LAMTOR2: variants seen among roughly 807,000 people sequenced by gnomAD.
LAMTOR2 encodes late endosomal/lysosomal adaptor, MAPK and MTOR activator 2, also known as ragulator complex protein LAMTOR2.
A neutral mutation model predicts 15.8 loss-of-function variants in LAMTOR2; 4 were observed. The ratio of observed to expected loss-of-function variants is 0.25; its 90% CI spans 0.12 to 0.58. The LOEUF (loss-of-function observed/expected upper bound fraction) is 0.58, where lower values mean the gene tolerates loss of function less well. Among genes scored for constraint, LAMTOR2 ranks in the 20% least tolerant of loss-of-function variants. The probability of loss-of-function intolerance (pLI) is 0.91; values close to 1 mark genes in which losing one functional copy is unlikely to be tolerated. For missense variants in LAMTOR2, 100 were observed against 161.0 expected (o/e 0.62, Z 2.05); for synonymous variants, 62 against 64.1 (o/e 0.97, Z 0.15).
In LAMTOR2 at chr1:156,054,831, GC is replaced by G. The variant is rs1553257148; in HGVS notation, c.-56del. 1 of 1,562,898 alleles carries G rather than the reference GC, an allele frequency of 6.4e-7. No homozygotes were observed. Among genetic ancestry groups the G allele is most frequent in the Non-Finnish European group, 8.8e-7 (1 of 1,139,176 alleles). On this transcript the variant is annotated 5_prime_UTR_variant, in exon 1 of 4. Transcript: ENST00000368305. Reference sequence around the variant, plus strand: ...GGACTACGGGAAGCAGCGGGCAGCGGCCCGCGGGAGGCACCTCGGAGATCTG... The same window carrying G: ...GGACTACGGGAAGCAGCGGGCAGCGGCCGCGGGAGGCACCTCGGAGATCTG...
At position 156,055,194 on chromosome 1, in the gene LAMTOR2, T is replaced by A; in HGVS notation, c.69-69T>A. ...TGCTGGATGTGCCCTTGGTGGGACT[T>A]GGGATGGAAACCCAGACGTTTTACT... On this transcript the variant is annotated intron_variant, in intron 1 of 3. Transcript: ENST00000368305. The surrounding 1 kb of genome is among the most constrained non-coding windows in gnomAD (Gnocchi z 4.8). The A allele has an allele frequency of 1.9e-6, 3 of 1,598,102 alleles. No individual in the cohort carries two copies. Among genetic ancestry groups the A allele is most frequent in the Non-Finnish European group, 2.6e-6 (3 of 1,170,830 alleles).
In LAMTOR2 at chr1:156,054,877, A is replaced by T. The variant is rs965777031; in HGVS notation, c.-13A>T. ...GATCTGGGTGCAAAAGCCCAGGGTT[A>T]GGAACCGTAGGCATGCTGCGCCCCA... On this transcript the variant is annotated 5_prime_UTR_variant, in exon 1 of 4. Coordinates refer to ENST00000368305, the MANE Select transcript of LAMTOR2 (RefSeq NM_014017.4). 1.9e-6 allele frequency: 3 copies of T among 1,612,338 alleles called. No individual in the cohort carries two copies. The Admixed American group carries it at 5.0e-5, about 27-fold the overall frequency.
intron 3 of LAMTOR2, 91 bp downstream of exon 3, chr1:156,058,158 T>C: frequency 1.3e-6 from 2 of 1,505,438 alleles, no homozygotes; most frequent in Non-Finnish European, 1.8e-6. Context: ...TTTCTAGAGT[T>C]CTCATGTCTA....
Position 156,055,003 on chromosome 1 carries a change from G to T in LAMTOR2, c.68+46G>T. On this transcript the variant is annotated intron_variant, in intron 1 of 3. Transcript: ENST00000368305. This position sits in a 1 kb window ranked among gnomAD's most constrained non-coding sequence, Gnocchi z 4.8. ...CGAGCGGCGAGCGCTGCAGTGGGGC[G>T]GCGCGCGGCTCCCTGAGGGAGGGGT... The T allele has an allele frequency of 6.3e-7, 1 of 1,578,728 alleles. No individual in the cohort carries two copies. Among genetic ancestry groups the T allele is most frequent in the Non-Finnish European group, 8.7e-7 (1 of 1,154,720 alleles).
Position 156,055,735 on chromosome 1 carries a change from T to G in LAMTOR2, c.231+310T>G. 2.4e-6 allele frequency: 1 copy of G among 412,890 alleles called. No homozygotes were observed. Among genetic ancestry groups the G allele is most frequent in the Non-Finnish European group, 4.6e-6 (1 of 219,390 alleles). The allele number at this position is 412,890 out of a possible 1,614,324, so 25.6% of individuals were successfully genotyped here. On this transcript the variant is annotated intron_variant, in intron 2 of 3. Transcript: ENST00000368305. The surrounding 1 kb of genome is among the most constrained non-coding windows in gnomAD (Gnocchi z 4.8). ...CATGTTTAAGGAGAAGACAATAATT[T>G]CCCTCTCCCCGCTCCCCTCATGGGT...
In LAMTOR2 at chr1:156,055,018, G is replaced by A; in HGVS notation, c.68+61G>A. On this transcript the variant is annotated intron_variant, in intron 1 of 3. Transcript: ENST00000368305. The surrounding 1 kb of genome is among the most constrained non-coding windows in gnomAD (Gnocchi z 4.8). ...GCAGTGGGGCGGCGCGCGGCTCCCT[G>A]AGGGAGGGGTGGGGAAGGATCACCA... 2 of 1,551,330 alleles carry A rather than the reference G, an allele frequency of 1.3e-6. No homozygotes were observed. The highest frequency in any genetic ancestry group is 1.8e-6 in the Non-Finnish European group (2 of 1,131,994).
chr1:156,057,858 T>G, intron 2 of LAMTOR2, 120 bp from the exon 3 acceptor site: 1 of 949,474 alleles, frequency 1.1e-6, no homozygotes, highest in Non-Finnish European at 1.7e-6. Flanking sequence ...CTGAACTTCC[T>G]GCTGTGCCCA....
chr1:156,055,559 C>A lies in LAMTOR2; in HGVS notation c.231+134C>A. The A allele has an allele frequency of 2.0e-6, 2 of 990,238 alleles. No homozygotes were observed. The highest frequency in any genetic ancestry group is 3.1e-6 in the Non-Finnish European group (2 of 642,542). 61.3% of individuals were successfully genotyped at this position (990,238 alleles called of 1,614,324 possible). ...ATTACTAAGAGTTGGTCTGCAGCAG[C>A]ATTTGTAATAGGCAGGACCCTATTC... is the stretch of plus-strand genomic sequence containing the variant. On this transcript the variant is annotated intron_variant, in intron 2 of 3. Transcript: ENST00000368305. The surrounding 1 kb of genome is among the most constrained non-coding windows in gnomAD (Gnocchi z 4.8).
At chr1:156,054,994 C>CAGTG in intron 1 of LAMTOR2, 37 bp downstream of exon 1, 1 of 1,597,626 alleles carries the variant, frequency 6.3e-7, no homozygotes, top group South Asian at 1.1e-5. Flanking sequence ...GCGAGCGCTG[C>CAGTG]AGTGGGGCGG....
At chr1:156,056,501 G>C (rs1467775996) in intron 2 of LAMTOR2, among the ~76,000 whole-genome samples, 1 of 152,044 alleles carries the variant, frequency 6.6e-6, no homozygotes, top group East Asian at 1.9e-4. Flanking sequence ...GAATATTTTG[G>C]ACAGAACAGC....
rs1273430924 is a variant in LAMTOR2 at position 156,057,880 on chromosome 1, G to A, written c.232-98G>A. On this transcript the variant is annotated intron_variant, in intron 2 of 3. Coordinates refer to ENST00000368305, the MANE Select transcript of LAMTOR2 (RefSeq NM_014017.4). The stretch of plus-strand genomic sequence containing the variant: ...TCCTGCTGTGCCCAGGGCATGGGAG[G>A]AAGATATAGTCTCTCTGGGGCCAGA... 6 of 1,139,854 alleles carry A rather than the reference G, an allele frequency of 5.3e-6. No individual in the cohort carries two copies. In the East Asian group the frequency reaches 1.2e-4, roughly 22 times the overall value. The allele number at this position is 1,139,854 out of a possible 1,614,324, so 70.6% of individuals were successfully genotyped here. A position where few individuals can be genotyped will look rare whatever the true frequency, so the allele number is the denominator to read the frequency against.
chr1:156,055,462 A>C lies in LAMTOR2; in HGVS notation c.231+37A>C, dbSNP rs774409644. On this transcript the variant is annotated intron_variant, in intron 2 of 3. Coordinates refer to ENST00000368305, the MANE Select transcript of LAMTOR2 (RefSeq NM_014017.4). This position sits in a 1 kb window ranked among gnomAD's most constrained non-coding sequence, Gnocchi z 4.8. ...GGAGCCAGACTTCCCCTGTCCCCCA[A>C]AGGGGATCCCAAGGGGGCGACCTGG... is the stretch of plus-strand genomic sequence containing the variant. 10 of 1,612,230 alleles carry C rather than the reference A, an allele frequency of 6.2e-6. No individual in the cohort carries two copies. The highest frequency in any genetic ancestry group is 7.6e-6 in the Non-Finnish European group (9 of 1,178,476).
chr1:156,054,993 G>T, intron 1 of LAMTOR2, 36 bp downstream of exon 1: 2 of 1,598,364 alleles, frequency 1.3e-6, no homozygotes, highest in Non-Finnish European at 1.7e-6. Context: ...GGCGAGCGCT[G>T]CAGTGGGGCG....
rs553146606 is a variant in LAMTOR2 at position 156,055,809 on chromosome 1, G to A, written c.231+384G>A. The A allele has an allele frequency of 1.5e-4, 40 of 262,914 alleles. No individual in the cohort carries two copies. The highest frequency in any genetic ancestry group is 2.8e-4 in the Non-Finnish European group (37 of 131,894). 16.3% of individuals were successfully genotyped at this position (262,914 alleles called of 1,614,324 possible). A position where few individuals can be genotyped will look rare whatever the true frequency, so the allele number is the denominator to read the frequency against. On this transcript the variant is annotated intron_variant, in intron 2 of 3. Transcript: ENST00000368305. The surrounding 1 kb of genome is among the most constrained non-coding windows in gnomAD (Gnocchi z 4.8). ...ATGGGTATAAACAGTAGAATGACGT[G>A]CAAACACAAAGTGTTGTCATCCCAG...
In LAMTOR2 at chr1:156,054,809, C is replaced by T. The variant is rs973143344; in HGVS notation, c.-81C>T. 4.9e-6 allele frequency: 7 copies of T among 1,435,818 alleles called. No individual in the cohort carries two copies. The highest frequency in any genetic ancestry group is 6.8e-6 in the Non-Finnish European group (7 of 1,029,844). The allele number at this position is 1,435,818 out of a possible 1,614,324, so 88.9% of individuals were successfully genotyped here. On this transcript the variant is annotated 5_prime_UTR_variant, in exon 1 of 4. Transcript: ENST00000368305. ...GGCGTCCCGGAGCAGGCCAACGGGA[C>T]TACGGGAAGCAGCGGGCAGCGGCCC... is the stretch of plus-strand genomic sequence containing the variant.
At chr1:156,058,225 G>T in intron 3 of LAMTOR2, 90 bp from the exon 4 acceptor site, 1 of 1,574,826 alleles carries the variant, frequency 6.3e-7, no homozygotes. Flanking sequence ...TTGGGGGCTG[G>T]TTGCTTCCTA....
rs7541 is a variant in LAMTOR2, at chr1:156,055,305, C to T, written c.111C>T (p.Tyr37=). 0.15 allele frequency: 234,675 copies of T among 1,614,022 alleles called. 18,659 individuals carry two copies. The highest frequency in any genetic ancestry group is 0.19 in the Middle Eastern group (1,178 of 6,062). The change falls in exon 2 of 4, where the codon TAC becomes TAT. Residue 37 remains tyrosine, a synonymous_variant. Transcript: ENST00000368305. This position sits in a 1 kb window ranked among gnomAD's most constrained non-coding sequence, Gnocchi z 4.8. ...NEGSLLAYSG[Y]GDTDARVTAA... is the part of the protein sequence containing the mutation. ...GATCACTGCTGGCCTACTCTGGTTACGGGGACACTGACGCCCGGGTCACCG... is the reference window on the plus strand; with the variant it reads ...GATCACTGCTGGCCTACTCTGGTTATGGGGACACTGACGCCCGGGTCACCG...
Position 156,055,110 on chromosome 1 carries a change from G to C in LAMTOR2, c.68+153G>C. 1 of 1,371,864 alleles carries C rather than the reference G, an allele frequency of 7.3e-7. No individual in the cohort carries two copies. Among genetic ancestry groups the C allele is most frequent in the Non-Finnish European group, 1.0e-6 (1 of 967,636 alleles). 85.0% of individuals were successfully genotyped at this position (1,371,864 alleles called of 1,614,324 possible). A position where few individuals can be genotyped will look rare whatever the true frequency, so the allele number is the denominator to read the frequency against. On this transcript the variant is annotated intron_variant, in intron 1 of 3. Transcript: ENST00000368305. This position sits in a 1 kb window ranked among gnomAD's most constrained non-coding sequence, Gnocchi z 4.8. ...CGGCCGGGAGGTCCCCTGTCGAAAA[G>C]GGAAGCCGGTGTGCTGGGTGCTTAG...
In LAMTOR2 at chr1:156,054,786, C is replaced by T; in HGVS notation, c.-104C>T. 1.4e-5 allele frequency: 16 copies of T among 1,112,456 alleles called. No individual in the cohort carries two copies. Among genetic ancestry groups the T allele is most frequent in the Non-Finnish European group, 1.9e-5 (14 of 743,660 alleles). The allele number at this position is 1,112,456 out of a possible 1,614,324, so 68.9% of individuals were successfully genotyped here. On this transcript the variant is annotated 5_prime_UTR_variant, in exon 1 of 4. Transcript: ENST00000368305. ...GGCGAAGAAACTACAACTCCCAGGGCGTCCCGGAGCAGGCCAACGGGACTA... is the reference window on the plus strand; with the variant it reads ...GGCGAAGAAACTACAACTCCCAGGGTGTCCCGGAGCAGGCCAACGGGACTA...
Sources: gnomAD v4.1 joint callset for allele counts (sites outside exome capture counted in the v4.1 genomes callset) on GRCh38, gnomAD v4.1.1 for gene constraint, Gnocchi (gnomAD v3.1) non-coding constraint, MANE v1.5 for transcripts, NCBI Gene and HGNC (gene_info 2026-07-23, HGNC 2026-07-21) for gene names.